Variants in SLC4A4 observed in about 807,000 individuals in gnomAD.
SLC4A4 encodes the protein electrogenic sodium bicarbonate cotransporter 1.
In SLC4A4, 27 loss-of-function variants were observed where a neutral mutation model predicts 111.5. The observed-to-expected ratio is 0.24, with a 90% confidence interval of 0.18 to 0.33. The LOEUF is 0.33. SLC4A4 is among the 10% of genes least tolerant of loss of function. The probability of loss-of-function intolerance (pLI) is 1.00; values close to 1 mark genes in which losing one functional copy is unlikely to be tolerated. For synonymous variants in SLC4A4, 443 were observed against 463.4 expected, an observed-to-expected ratio of 0.96 and a Z score of 0.57; for missense variants, 909 against 1,315.5, an observed-to-expected ratio of 0.69 and a Z score of 4.78.
chr4:71,098,645 G>A (rs1255442147), intron 2 of SLC4A4, among the ~76,000 whole-genome samples: 1 of 152,084 alleles, frequency 6.6e-6, no homozygotes, highest in South Asian at 2.1e-4. Flanking sequence ...CGCATTAAAT[G>A]TCCCACTTAA....
intron 3 of SLC4A4, chr4:71,301,132 G>C (rs1725219380): frequency 5.6e-6 from 2 of 355,488 alleles, no homozygotes; most frequent in Non-Finnish European, 1.1e-5. Context: ...GCCAGCATGG[G>C]GGATGGGCAC....
At chr4:71,473,126 C>A in intron 14 of SLC4A4, 156 bp downstream of exon 14, 1 of 829,192 alleles carries the variant, frequency 1.2e-6, no homozygotes, top group East Asian at 2.6e-5. Flanking sequence ...TGTCTCATTG[C>A]CTGAGGTATT....
chr4:71,236,724 A>G (rs1280740855), intron 2 of SLC4A4, 75 bp downstream of exon 2: 1 of 1,224,294 alleles, frequency 8.2e-7, no homozygotes, highest in Middle Eastern at 1.9e-4. Flanking sequence ...CATGCATTTC[A>G]TATATCTTAC....
At chr4:71,179,847 C>G (rs1745228440) in intron 2 of SLC4A4, among the ~76,000 whole-genome samples, 1 of 152,280 alleles carries the variant, frequency 6.6e-6, no homozygotes, top group African/African-American at 2.4e-5. Flanking sequence ...ATTGGAAAAA[C>G]TACTTTAAAG....
intron 1 of SLC4A4, among the ~76,000 whole-genome samples, chr4:71,091,883 TC>T (rs1742401520): frequency 6.6e-6 from 1 of 152,248 alleles, no homozygotes; most frequent in Non-Finnish European, 1.5e-5. Flanking sequence ...CTGCGTTTGT[TC>T]TTTTTTACTG....
chr4:71,354,632 G>A (rs1404682768), intron 5 of SLC4A4, among the ~76,000 whole-genome samples: 1 of 151,990 alleles, frequency 6.6e-6, no homozygotes, highest in Non-Finnish European at 1.5e-5. Context: ...CCATTCTTCT[G>A]TCACATGGCC....
rs531542805 is a variant in SLC4A4, at chr4:71,429,636, G to C, written c.808-10980G>C. Among the ~76,000 whole-genome samples the C allele has an allele frequency of 4.6e-5, 7 of 152,218 alleles. No individual in the cohort carries two copies. In the South Asian group the frequency reaches 1.5e-3, roughly 32 times the overall value. ...GTCAAAGTATTTTTGAATAATTGTA[G>C]TACCACAAGGCAGCCATTTAAAATT... is the stretch of plus-strand genomic sequence containing the variant. On this transcript the variant is annotated intron_variant, in intron 7 of 25. Coordinates refer to ENST00000264485, the MANE Select transcript of SLC4A4 (RefSeq NM_001098484.3).
At chr4:71,537,678 G>A (rs1484990783) in intron 18 of SLC4A4, among the ~76,000 whole-genome samples, 3 of 151,764 alleles carry the variant, frequency 2.0e-5, no homozygotes, top group Non-Finnish European at 4.4e-5. Context: ...AGAGAGGCAT[G>A]TGTTCCCACT....
intron 3 of SLC4A4, among the ~76,000 whole-genome samples, chr4:71,313,332 C>T (rs183445970): frequency 2.6e-5 from 4 of 152,272 alleles, no homozygotes; most frequent in African/African-American, 7.2e-5. Context: ...GAATCAATAT[C>T]GTGAAAATGG....
intron 6 of SLC4A4, among the ~76,000 whole-genome samples, chr4:71,358,220 C>A (rs187226370): frequency 9.2e-5 from 14 of 151,636 alleles, no homozygotes; most frequent in Non-Finnish European, 1.8e-4. Flanking sequence ...GAGGGTGAGG[C>A]CAGAGAAAAG....
In SLC4A4 at chr4:71,222,681, A is replaced by G. The variant is rs117881746; in HGVS notation, c.-1-13895A>G. Among the ~76,000 whole-genome samples the G allele has an allele frequency of 3.7e-4, 57 of 152,344 alleles. No homozygotes were observed. The East Asian group carries it at 0.011, about 29-fold the overall frequency. ...GGATAAACTTTGAACAGCATTGTGG[A>G]AAGAGACATTTTAATAAGGGAACAC... is the stretch of plus-strand genomic sequence containing the variant. On this transcript the variant is annotated intron_variant, in intron 1 of 25. Transcript: ENST00000264485.
intron 18 of SLC4A4, among the ~76,000 whole-genome samples, chr4:71,540,009 A>G (rs555609393): frequency 6.6e-6 from 1 of 152,296 alleles, no homozygotes; most frequent in South Asian, 2.1e-4. Flanking sequence ...TTGTGAATTT[A>G]CTGTAGACAT....
intron 2 of SLC4A4, among the ~76,000 whole-genome samples, chr4:71,252,654 A>G (rs920601810): frequency 6.6e-6 from 1 of 152,182 alleles, no homozygotes; most frequent in Non-Finnish European, 1.5e-5. Flanking sequence ...CAAAAAGTTC[A>G]TTGCCATATG....
At chr4:71,463,286 C>T (rs1465947716) in intron 12 of SLC4A4, among the ~76,000 whole-genome samples, 1 of 152,146 alleles carries the variant, frequency 6.6e-6, no homozygotes, top group African/African-American at 2.4e-5. Flanking sequence ...CATATCCACA[C>T]ATTGTTTTCC....
intron 3 of SLC4A4, among the ~76,000 whole-genome samples, chr4:71,269,036 G>T (rs961452235): frequency 6.6e-6 from 1 of 152,182 alleles, no homozygotes; most frequent in Non-Finnish European, 1.5e-5. Context: ...TTTGCCTGGG[G>T]TCACACATGC....
intron 18 of SLC4A4, among the ~76,000 whole-genome samples, chr4:71,539,280 T>A (rs1350136405): frequency 1.3e-5 from 2 of 152,070 alleles, no homozygotes; most frequent in African/African-American, 4.8e-5. Context: ...CCAAAAGCCT[T>A]CATTTTTTTT....
chr4:71,255,155 T>C (rs1256291087), intron 2 of SLC4A4, 65 bp from the exon 3 acceptor site: 1 of 1,359,210 alleles, frequency 7.4e-7, no homozygotes, highest in South Asian at 1.2e-5. Context: ...CTGTGTATCT[T>C]GTGCAATTTG....
intron 2 of SLC4A4, among the ~76,000 whole-genome samples, chr4:71,162,370 G>A (rs1744637728): frequency 6.6e-6 from 1 of 152,214 alleles, no homozygotes. Context: ...TTGCCACAAA[G>A]TGTAATATTC....
rs532366530 is a variant in SLC4A4 at position 71,084,321 on chromosome 4, G to C, written c.-64-8409G>C. On this transcript the variant is annotated intron_variant, in intron 1 of 26. Transcript: ENST00000649996. ...TTTTAAATGGTCTTTTCATATGTATGTTTCAACTTATCTGCAACCTCCACG... is the reference window on the plus strand; with the variant it reads ...TTTTAAATGGTCTTTTCATATGTATCTTTCAACTTATCTGCAACCTCCACG... 3.9e-5 allele frequency among the ~76,000 whole-genome samples: 6 copies of C among 152,010 alleles called. No homozygotes were observed. The East Asian group carries it at 1.2e-3, about 29-fold the overall frequency.
Sources: allele counts gnomAD v4.1 joint callset (sites outside exome capture counted in the v4.1 genomes callset), GRCh38; gene constraint gnomAD v4.1.1; transcripts MANE v1.5; gene names NCBI Gene and HGNC (gene_info 2026-07-23, HGNC 2026-07-21).